Variants in ALS2 observed in about 807,000 individuals in gnomAD.
ALS2 encodes the protein alsin Rho guanine nucleotide exchange factor ALS2.
A neutral mutation model predicts 203.4 loss-of-function variants in ALS2; 117 were observed. The observed-to-expected ratio is 0.58, with a 90% CI of 0.50 to 0.67. The LOEUF is 0.67. ALS2 is among the 30% of genes least tolerant of loss of function. The pLI is 0.00. For synonymous variants in ALS2, 718 were observed against 725.9 expected, an observed-to-expected ratio of 0.99 and a Z score of 0.17; for missense variants, 1,715 against 1,989.4, an observed-to-expected ratio of 0.86 and a Z score of 2.62.
chr2:201,771,315 G>A (rs1459475228), intron 1 of ALS2, among the ~76,000 whole-genome samples: 3 of 152,046 alleles, frequency 2.0e-5, no homozygotes, highest in Non-Finnish European at 4.4e-5. Context: ...CCAAAGTGCT[G>A]GGATTACAGG....
Position 201,761,170 on chromosome 2 carries a change from G to A in ALS2, c.824C>T (p.Ala275Val). Reference protein sequence around the residue: ...ESQAENHASTALSPSTETLDR... With the variant: ...ESQAENHASTVLSPSTETLDR... ...AAGGGTTTCAGTGGAGGGGCTGAGAGCAGTGCTGGCATGGTTTTCTGCCTG... is the reference window on the plus strand; with the variant it reads ...AAGGGTTTCAGTGGAGGGGCTGAGAACAGTGCTGGCATGGTTTTCTGCCTG... The change falls in exon 4 of 34, where the codon GCT becomes GTT. Residue 275 changes from alanine (A) to valine (V), a missense_variant. By Grantham distance (64) the Ala-to-Val change is moderately conservative. Around this residue, in one of 3 missense-constraint regions of ALS2, gnomAD observed 476 missense variants for 539.3 expected, o/e 0.88. Coordinates refer to ENST00000264276, the MANE Select transcript of ALS2 (RefSeq NM_020919.4). 3 of 1,614,214 alleles carry A rather than the reference G, an allele frequency of 1.9e-6. No homozygotes were observed. The East Asian group carries it at 6.7e-5, about 36-fold the overall frequency.
In ALS2 at chr2:201,711,037, G is replaced by A. The variant is rs1363677166; in HGVS notation, c.4076C>T (p.Ala1359Val). ...SLEFIPQHVG[A>V]FSVEKYDDIR... Reference sequence around the variant, plus strand: ...GTCATCATATTTCTCCACAGAGAAGGCACCAACATGCTGTGGAATGAATTC... The same window carrying A: ...GTCATCATATTTCTCCACAGAGAAGACACCAACATGCTGTGGAATGAATTC... The change falls in exon 26 of 34, where the codon GCC becomes GTC. Residue 1359 changes from alanine (A) to valine (V), a missense_variant. Ala to Val is a moderately conservative substitution (Grantham distance 64). Coordinates refer to ENST00000264276, the MANE Select transcript of ALS2 (RefSeq NM_020919.4). The A allele has an allele frequency of 1.2e-6, 2 of 1,612,432 alleles. No homozygotes were observed. The highest frequency in any genetic ancestry group is 2.7e-5 in the African/African-American group (2 of 74,866).
Position 201,728,532 on chromosome 2 carries a change from C to T in ALS2, c.2821G>A (p.Asp941Asn). 1 of 1,614,130 alleles carries T rather than the reference C, an allele frequency of 6.2e-7. No individual in the cohort carries two copies. Among genetic ancestry groups the T allele is most frequent in the Non-Finnish European group, 8.5e-7 (1 of 1,180,040 alleles). Residue 941 changes from aspartate to asparagine, a missense_variant, in exon 15 of 34, where the codon GAT becomes AAT. Physicochemically the swap from Asp to Asn is conservative, Grantham distance 23 (BLOSUM62 1). This residue lies in a region of ALS2 where 1,227 missense variants were observed against 1,413.5 expected (regional missense o/e 0.87). Transcript: ENST00000264276. ...CCTACCTGGGCATGGACCAGGGCAT[C>T]ATTAAAGAGAATGAACCAATTCACG... ...FSVNWFILFN[D>N]ALVHAQFSTH...
intron 13 of ALS2, among the ~76,000 whole-genome samples, chr2:201,732,896 T>C (rs1352605054): frequency 6.6e-6 from 1 of 152,220 alleles, no homozygotes; most frequent in Non-Finnish European, 1.5e-5. Context: ...GTAACACCCC[T>C]GCCTTACAGG....
intron 7 of ALS2, among the ~76,000 whole-genome samples, chr2:201,751,898 T>C (rs1405170585): frequency 6.6e-6 from 1 of 152,184 alleles, no homozygotes; most frequent in East Asian, 1.9e-4. Flanking sequence ...TACTCAAGTC[T>C]TGTTTTCCCA....
intron 20 of ALS2, 32 bp downstream of exon 20, chr2:201,725,324 A>G: frequency 6.4e-7 from 1 of 1,570,652 alleles, no homozygotes; most frequent in Non-Finnish European, 8.8e-7. Flanking sequence ...TATGAAAAAC[A>G]AACACCAGTC....
chr2:201,738,390 C>T, intron 12 of ALS2: 1 of 453,436 alleles, frequency 2.2e-6, no homozygotes, highest in South Asian at 2.3e-5. Context: ...GAACACTAGG[C>T]CTACTGAGGT....
chr2:201,733,539 C>G, intron 12 of ALS2, 101 bp from the exon 13 acceptor site: 1 of 1,020,408 alleles, frequency 9.8e-7, no homozygotes, highest in African/African-American at 1.6e-5. Flanking sequence ...TCAGAATGCA[C>G]ATTTTTTAGG....
chr2:201,762,639 ATGCTCACCC>A (rs1172892881), intron 3 of ALS2: 5 of 152,212 alleles, frequency 3.3e-5, no homozygotes, highest in Admixed American at 2.6e-4. Flanking sequence ...TTAATGTGGG[ATGCTCACCC>A]TGGACTTTAT....
intron 25 of ALS2, among the ~76,000 whole-genome samples, chr2:201,715,467 T>C (rs1690313218): frequency 6.6e-6 from 1 of 152,232 alleles, no homozygotes; most frequent in Non-Finnish European, 1.5e-5. Context: ...TTTTCAGAGT[T>C]CATAAATAAC....
chr2:201,717,639 G>GAAA (rs59265308), intron 24 of ALS2, among the ~76,000 whole-genome samples: 2 of 115,988 alleles, frequency 1.7e-5, no homozygotes, highest in African/African-American at 3.1e-5. Context: ...TCTTGTTTAA[G>GAAA]AAAAAAAAAA....
Position 201,711,118 on chromosome 2 carries a change from G to A in ALS2, c.4005-10C>T, listed in dbSNP as rs1490002026. 6.6e-7 allele frequency: 1 copy of A among 1,512,876 alleles called. No homozygotes were observed. The highest frequency in any genetic ancestry group is 1.4e-5 in the African/African-American group (1 of 73,004). 93.7% of individuals were successfully genotyped at this position (1,512,876 alleles called of 1,614,324 possible). On this transcript the variant is annotated splice_polypyrimidine_tract_variant and intron_variant, in intron 25 of 33. Transcript: ENST00000264276. ...ACTCAGTATTTCTGGACTATAAAAA[G>A]GGAAAGAAAAGTCTGTTGTATTTCA... is the stretch of plus-strand genomic sequence containing the variant.
intron 13 of ALS2, 75 bp downstream of exon 13, chr2:201,733,201 T>C: frequency 2.1e-6 from 3 of 1,459,516 alleles, no homozygotes; most frequent in Non-Finnish European, 2.9e-6. Context: ...CCAGATCTTG[T>C]GGTGGCATAA....
chr2:201,765,570 T>C (rs1457297269), intron 3 of ALS2: 1 of 167,066 alleles, frequency 6.0e-6, no homozygotes, highest in East Asian at 1.9e-4. Flanking sequence ...CCAGATTTAA[T>C]CCTTGTTTCC....
chr2:201,706,877 T>C lies in ALS2; in HGVS notation c.4549A>G (p.Ile1517Val). Reference sequence around the variant, plus strand: ...ACCCCAAGAAAGCCCAGGAGAGCAATATCTGGCTGCTTATTTAGTCGAAGG... The same window carrying C: ...ACCCCAAGAAAGCCCAGGAGAGCAACATCTGGCTGCTTATTTAGTCGAAGG... ...CVLRLNKQPD[I>V]ALLGFLGVQR... is the part of the protein sequence containing the mutation. Residue 1517 changes from isoleucine to valine, a missense_variant, in exon 29 of 34, where the codon ATT (isoleucine) becomes GTT (valine). Ile to Val is a conservative substitution (Grantham distance 29). Transcript: ENST00000264276. 6.2e-7 allele frequency: 1 copy of C among 1,614,030 alleles called. No individual in the cohort carries two copies. Among genetic ancestry groups the C allele is most frequent in the Non-Finnish European group, 8.5e-7 (1 of 1,179,964 alleles).
chr2:201,734,650 C>T (rs528787233), intron 12 of ALS2, among the ~76,000 whole-genome samples: 2 of 152,280 alleles, frequency 1.3e-5, no homozygotes, highest in East Asian at 3.9e-4. Context: ...TGAACACAAA[C>T]TCCCTTGGAC....
In ALS2 at chr2:201,757,666, C is replaced by T. The variant is rs202174804; in HGVS notation, c.1207G>A (p.Val403Ile). 8 of 1,614,116 alleles carry T rather than the reference C, an allele frequency of 5.0e-6. No homozygotes were observed. The highest frequency in any genetic ancestry group is 6.8e-6 in the Non-Finnish European group (8 of 1,180,030). The change falls in exon 5 of 34, where the codon GTT becomes ATT. Residue 403 changes from valine (V) to isoleucine (I), a missense_variant. Physicochemically the swap from Val to Ile is conservative, Grantham distance 29. Coordinates refer to ENST00000264276, the MANE Select transcript of ALS2 (RefSeq NM_020919.4). ...TAAGTAGCAGCCACTCTCACACCAACAGCAGATGCACAAGAGACCACCAGG... is the reference window on the plus strand; with the variant it reads ...TAAGTAGCAGCCACTCTCACACCAATAGCAGATGCACAAGAGACCACCAGG... The part of the protein sequence containing the change: ...NSLVVSCASA[V>I]GVRVAATYEA...
chr2:201,717,368 A>G (rs1230195243), intron 24 of ALS2, among the ~76,000 whole-genome samples: 1 of 151,834 alleles, frequency 6.6e-6, no homozygotes, highest in Non-Finnish European at 1.5e-5. Flanking sequence ...TGGAAGCCTG[A>G]GGCAGGAGAA....
intron 9 of ALS2, 78 bp downstream of exon 9, chr2:201,746,488 T>C: frequency 2.6e-6 from 4 of 1,516,606 alleles, no homozygotes; most frequent in Admixed American, 1.7e-5. Flanking sequence ...TAATTAGCCA[T>C]ACATACAAAT....
Sources: gnomAD v4.1 joint callset for allele counts (sites outside exome capture counted in the v4.1 genomes callset) on GRCh38, gnomAD v4.1.1 for gene constraint, gnomAD v4.1.1 regional missense constraint, MANE v1.5 for transcripts, NCBI Gene and HGNC (gene_info 2026-07-23, HGNC 2026-07-21) for gene names.